The following SDK1 variants were observed in gnomAD, a reference collection of about 807,000 sequenced individuals.
SDK1 encodes the protein protein sidekick-1.
In SDK1, 157 loss-of-function variants were observed where a neutral mutation model predicts 245.5. The observed-to-expected ratio is 0.64, with a 90% CI of 0.56 to 0.73. The LOEUF is 0.73. Ranked by LOEUF, SDK1 falls within the 30% of genes least tolerant of loss-of-function variation. The pLI is 0.00. For missense variants in SDK1, 3,583 were observed against 3,002.3 expected (o/e 1.19, Z -4.52); for synonymous variants, 1,647 against 1,278.5 (o/e 1.29, Z -6.15).
At chr7:3,948,623 T>A (rs905373300) in intron 5 of SDK1, among the ~76,000 whole-genome samples, 1 of 152,170 alleles carries the variant, frequency 6.6e-6, no homozygotes. Context: ...CCTCCTGTGG[T>A]GGAGCTGAAC....
At chr7:4,091,253 G>T (rs1781769597) in intron 22 of SDK1, among the ~76,000 whole-genome samples, 2 of 151,582 alleles carry the variant, frequency 1.3e-5, no homozygotes, top group South Asian at 4.2e-4. Flanking sequence ...ATCTACAAAG[G>T]CAATGATCCT....
rs773797458 is a variant in SDK1 at position 4,112,147 on chromosome 7, A to C, written c.3435-1142A>C. On this transcript the variant is annotated intron_variant, in intron 23 of 44. Transcript: ENST00000404826. ...CTTTTATACATTTTAGGGAGACATG[A>C]GACATCAATCAATATATGCAAGGTG... 6.6e-5 allele frequency among the ~76,000 whole-genome samples: 10 copies of C among 152,192 alleles called. 1 individual carries two copies. The highest frequency in any genetic ancestry group is 1.3e-4 in the Non-Finnish European group (9 of 68,040).
intron 4 of SDK1, among the ~76,000 whole-genome samples, chr7:3,762,527 C>G (rs1325991396): frequency 6.6e-6 from 1 of 152,180 alleles, no homozygotes. Flanking sequence ...AATGCAATTA[C>G]TGAGTAAATT....
At chr7:4,139,651 G>A (rs1476062586) in intron 28 of SDK1, among the ~76,000 whole-genome samples, 5 of 21,804 alleles carry the variant, frequency 2.3e-4, no homozygotes, top group Admixed American at 2.0e-3. Context: ...GTGTGTATAT[G>A]TGTGTGTGTA....
intron 17 of SDK1, among the ~76,000 whole-genome samples, chr7:4,022,780 T>C (rs1025029376): frequency 3.3e-5 from 5 of 150,316 alleles, no homozygotes; most frequent in African/African-American, 4.9e-5. Flanking sequence ...TTCTTTCTTT[T>C]TTTTTTTTTT....
At chr7:4,167,271 T>G (rs1781555635) in intron 32 of SDK1, among the ~76,000 whole-genome samples, 1 of 151,920 alleles carries the variant, frequency 6.6e-6, no homozygotes, top group African/African-American at 2.4e-5. Context: ...GCACCTATAG[T>G]CCCAGCTACT....
intron 5 of SDK1, among the ~76,000 whole-genome samples, chr7:3,878,248 C>T (rs371630666): frequency 1.9e-3 from 293 of 152,214 alleles, no homozygotes; most frequent in African/African-American, 6.2e-3. Context: ...TGGCCGGGTG[C>T]GGTGGCTCAC....
intron 1 of SDK1, among the ~76,000 whole-genome samples, chr7:3,490,480 G>C (rs1781833535): frequency 6.6e-6 from 1 of 152,066 alleles, no homozygotes; most frequent in Non-Finnish European, 1.5e-5. Context: ...CCTGTGTTCT[G>C]TATATCATTT....
intron 1 of SDK1, among the ~76,000 whole-genome samples, chr7:3,603,657 A>AC: frequency 6.6e-6 from 1 of 152,192 alleles, no homozygotes; most frequent in East Asian, 1.9e-4. Flanking sequence ...CTTTTTTCAT[A>AC]ATTGAATACC....
chr7:3,695,794 G>A (rs186438364), intron 4 of SDK1, among the ~76,000 whole-genome samples: 1 of 152,284 alleles, frequency 6.6e-6, no homozygotes, highest in East Asian at 1.9e-4. Context: ...GCTAGACGTA[G>A]CCTGTATGTG....
At chr7:3,372,308 C>G (rs1243913055) in intron 1 of SDK1, among the ~76,000 whole-genome samples, 1 of 152,176 alleles carries the variant, frequency 6.6e-6, no homozygotes, top group Non-Finnish European at 1.5e-5. Context: ...TAGTCCAACA[C>G]AACTGATCAG....
chr7:3,937,868 C>A (rs920298347), intron 5 of SDK1, among the ~76,000 whole-genome samples: 2 of 152,040 alleles, frequency 1.3e-5, no homozygotes, highest in African/African-American at 2.4e-5. Flanking sequence ...GACAGAGTCT[C>A]ACTCTGTCGC....
rs1056692898 is a variant in SDK1 at position 3,388,119 on chromosome 7, T to G, written c.298+86235T>G. On this transcript the variant is annotated intron_variant, in intron 1 of 44. Coordinates refer to ENST00000404826, the MANE Select transcript of SDK1 (RefSeq NM_152744.4). ...GGGTTCTCAGTTCTGGCTCTGTGAC[T>G]GCACCACATTTGTGACTGTGACCAG... Among the ~76,000 whole-genome samples, 20 of 152,222 alleles carry G rather than the reference T, an allele frequency of 1.3e-4. 1 individual carries two copies. The highest frequency in any genetic ancestry group is 8.8e-5 in the Non-Finnish European group (6 of 68,036).
At chr7:3,847,985 T>A (rs76360159) in intron 5 of SDK1, among the ~76,000 whole-genome samples, 8,140 of 152,292 alleles carry the variant, frequency 0.053, 695 homozygotes, top group African/African-American at 0.18. Flanking sequence ...TATCGTACTT[T>A]CCTGCAACAT....
chr7:3,991,641 G>C (rs1218907929), intron 14 of SDK1, among the ~76,000 whole-genome samples: 1 of 152,208 alleles, frequency 6.6e-6, no homozygotes, highest in African/African-American at 2.4e-5. Context: ...TGGCTCTCCT[G>C]AAGCTGGCCG....
intron 4 of SDK1, among the ~76,000 whole-genome samples, chr7:3,790,017 C>A (rs1009401891): frequency 1.1e-4 from 16 of 152,226 alleles, no homozygotes; most frequent in African/African-American, 3.1e-4. Context: ...CACCTCTCCC[C>A]CTTCCCGAGG....
intron 1 of SDK1, among the ~76,000 whole-genome samples, chr7:3,504,604 A>T (rs531751222): frequency 6.6e-6 from 1 of 152,294 alleles, no homozygotes; most frequent in South Asian, 2.1e-4. Context: ...ACAACTGGAT[A>T]TCTACAAGAA....
At chr7:4,029,002 G>A (rs1460714972) in intron 17 of SDK1, among the ~76,000 whole-genome samples, 1 of 151,786 alleles carries the variant, frequency 6.6e-6, no homozygotes, top group Non-Finnish European at 1.5e-5. Flanking sequence ...ATCACCAGGG[G>A]TCACGTCGGG....
At chr7:3,789,973 G>T (rs1355531249) in intron 4 of SDK1, among the ~76,000 whole-genome samples, 1 of 152,098 alleles carries the variant, frequency 6.6e-6, no homozygotes, top group Non-Finnish European at 1.5e-5. Flanking sequence ...CACACAGCAT[G>T]GTCGCCAGCT....
Sources: gnomAD v4.1 joint callset for allele counts (sites outside exome capture counted in the v4.1 genomes callset) on GRCh38, gnomAD v4.1.1 for gene constraint, MANE v1.5 for transcripts, NCBI Gene and HGNC (gene_info 2026-07-23, HGNC 2026-07-21) for gene names.